The following RPS6KA2 variants were observed in gnomAD, a reference collection of about 807,000 sequenced individuals.
RPS6KA2 encodes the protein ribosomal protein S6 kinase alpha-2.
Under a neutral mutation model 91.8 loss-of-function variants are expected in RPS6KA2, and 42 were observed. That is an observed-to-expected ratio of 0.46 (90% CI 0.36 to 0.59). RPS6KA2 has a LOEUF of 0.59. Among genes scored for constraint, RPS6KA2 ranks in the 20% least tolerant of loss-of-function variants. The pLI is 0.00. For missense variants in RPS6KA2, 798 were observed against 978.5 expected, an observed-to-expected ratio of 0.82 and a Z score of 2.46; for synonymous variants, 414 against 393.6, an observed-to-expected ratio of 1.05 and a Z score of -0.61.
In RPS6KA2 at chr6:166,768,416, C is replaced by T. The variant is rs1050449193; in HGVS notation, c.123+89784G>A. Among the ~76,000 whole-genome samples the T allele has an allele frequency of 5.3e-5, 8 of 152,122 alleles. No homozygotes were observed. The East Asian group carries it at 5.8e-4, about 11-fold the overall frequency. On this transcript the variant is annotated intron_variant, in intron 2 of 21. Coordinates refer to the RPS6KA2 transcript ENST00000503859. ...GGCAAAATCCATGAAAGACGCTGAC[C>T]GCTGTGTTAGTGCCACCCACGCTTC...
chr6:166,569,098 A>T (rs1784597643), intron 1 of RPS6KA2, among the ~76,000 whole-genome samples: 1 of 152,254 alleles, frequency 6.6e-6, no homozygotes, highest in Non-Finnish European at 1.5e-5. Context: ...TAAGTAAAAA[A>T]ATGCAAGTTT....
chr6:166,504,906 G>A (rs1158916716), intron 5 of RPS6KA2, among the ~76,000 whole-genome samples: 1 of 152,134 alleles, frequency 6.6e-6, no homozygotes, highest in Non-Finnish European at 1.5e-5. Flanking sequence ...TCTCACCCCT[G>A]CAAATCATTT....
At position 166,564,390 on chromosome 6, in the gene RPS6KA2, T is replaced by C. The variant is rs529308625; in HGVS notation, c.100-25606A>G. On this transcript the variant is annotated intron_variant, in intron 1 of 20. Coordinates refer to ENST00000265678, the MANE Select transcript of RPS6KA2 (RefSeq NM_021135.6). ...TCTCCCCACCAGTCTCTGGGGCAGA[T>C]TCCCCCTCAGCCTAAACATTCTGCA... Among the ~76,000 whole-genome samples the C allele has an allele frequency of 1.8e-3, 276 of 152,304 alleles. 1 individual carries two copies. The highest frequency in any genetic ancestry group is 3.3e-3 in the Non-Finnish European group (224 of 68,022).
intron 2 of RPS6KA2, among the ~76,000 whole-genome samples, chr6:166,819,734 C>A (rs1359966951): frequency 6.6e-6 from 1 of 152,148 alleles, no homozygotes; most frequent in Non-Finnish European, 1.5e-5. Flanking sequence ...GCATAGATAT[C>A]CTGTAGTTTA....
rs1303031365 is a variant in RPS6KA2, at chr6:166,831,800, TGATA to T, written c.123+26396_123+26399del. ...GATAGATGATAGATACATAGATAGATGATAGATAGATAGATGATAGATAGTAGAC... is the reference window on the plus strand; with the variant it reads ...GATAGATGATAGATACATAGATAGATGATAGATAGATGATAGATAGTAGAC... On this transcript the variant is annotated intron_variant, in intron 2 of 21. Coordinates refer to the RPS6KA2 transcript ENST00000503859. 1.8e-4 allele frequency among the ~76,000 whole-genome samples: 26 copies of T among 147,520 alleles called. 1 individual carries two copies. The highest frequency in any genetic ancestry group is 4.2e-4 in the African/African-American group (17 of 40,382).
chr6:166,819,796 T>A (rs1779858246), intron 2 of RPS6KA2, among the ~76,000 whole-genome samples: 1 of 152,212 alleles, frequency 6.6e-6, no homozygotes, highest in Non-Finnish European at 1.5e-5. Context: ...TAACTGGCTG[T>A]ATGAATAATG....
intron 2 of RPS6KA2, among the ~76,000 whole-genome samples, chr6:166,712,796 C>T (rs1333457608): frequency 2.0e-5 from 3 of 152,218 alleles, no homozygotes; most frequent in South Asian, 2.1e-4. Context: ...GATGTTGCCA[C>T]GTGGTCAATG....
At chr6:166,744,454 G>A (rs899377099) in intron 2 of RPS6KA2, among the ~76,000 whole-genome samples, 3 of 152,190 alleles carry the variant, frequency 2.0e-5, no homozygotes, top group Non-Finnish European at 2.9e-5. Flanking sequence ...GCTGGGTCCC[G>A]GGGGCCTGCA....
intron 7 of RPS6KA2, 26 bp from the exon 8 acceptor site, chr6:166,498,676 T>C (rs1405812234): frequency 1.9e-6 from 3 of 1,612,380 alleles, no homozygotes; most frequent in Non-Finnish European, 8.5e-7. Context: ...GCACACACAC[T>C]GCCTCAGTCT....
At chr6:166,618,352 A>C (rs936120488) in intron 1 of RPS6KA2, among the ~76,000 whole-genome samples, 2 of 152,190 alleles carry the variant, frequency 1.3e-5, no homozygotes, top group African/African-American at 4.8e-5. Context: ...CCTGGGCCAG[A>C]GTCTCCCTAA....
chr6:166,735,737 G>A (rs1471110770), intron 2 of RPS6KA2, among the ~76,000 whole-genome samples: 2 of 152,166 alleles, frequency 1.3e-5, no homozygotes, highest in African/African-American at 4.8e-5. Flanking sequence ...GAGCTCAGGC[G>A]ATAATGCAAC....
intron 3 of RPS6KA2, among the ~76,000 whole-genome samples, chr6:166,511,236 G>A (rs1782470683): frequency 6.6e-6 from 1 of 152,136 alleles, no homozygotes; most frequent in Non-Finnish European, 1.5e-5. Flanking sequence ...GGCATAGAGT[G>A]ACCTGCGGGT....
Position 166,767,122 on chromosome 6 carries a change from C to G in RPS6KA2, c.123+91078G>C, listed in dbSNP as rs1383894151. On this transcript the variant is annotated intron_variant, in intron 2 of 21. Coordinates refer to the RPS6KA2 transcript ENST00000503859. This position sits in a 1 kb window ranked among gnomAD's most constrained non-coding sequence, Gnocchi z 4.6. The stretch of plus-strand genomic sequence containing the variant: ...AGGGCTCAGCTACCTGTGGGAAAAG[C>G]CAGCTCCACCATGGAATTTTTGTCT... 6.6e-6 allele frequency among the ~76,000 whole-genome samples: 1 copy of G among 152,190 alleles called. No individual in the cohort carries two copies. Among genetic ancestry groups the G allele is most frequent in the South Asian group, 2.1e-4 (1 of 4,834 alleles).
chr6:166,855,471 AGAG>A (rs374485454), intron 2 of RPS6KA2, among the ~76,000 whole-genome samples: 19,174 of 133,364 alleles, frequency 0.14, 2,980 homozygotes, highest in African/African-American at 0.37. Context: ...AGGAAGAGGA[AGAG>A]GAAGAAGAAG....
rs148519383 is a variant in RPS6KA2 at position 166,533,713 on chromosome 6, G to A, written c.217-2400C>T. Among the ~76,000 whole-genome samples the A allele has an allele frequency of 1.3e-3, 194 of 152,326 alleles. No individual in the cohort carries two copies. The highest frequency in any genetic ancestry group is 4.4e-3 in the African/African-American group (183 of 41,586). ...CTCCAGCCCATGGTGGACTTTGGTA[G>A]GGTGACAGATGAATCTATCCATTCC... On this transcript the variant is annotated intron_variant, in intron 2 of 20. Coordinates refer to ENST00000265678, the MANE Select transcript of RPS6KA2 (RefSeq NM_021135.6). This position sits in a 1 kb window ranked among gnomAD's most constrained non-coding sequence, Gnocchi z 4.0.
At chr6:166,773,874 AG>A (rs1778544222) in intron 2 of RPS6KA2, among the ~76,000 whole-genome samples, 3 of 152,252 alleles carry the variant, frequency 2.0e-5, no homozygotes. Context: ...ATCGTCCTCC[AG>A]GGGTATTCCG....
intron 1 of RPS6KA2, among the ~76,000 whole-genome samples, chr6:166,544,144 C>G (rs1234079525): frequency 6.6e-6 from 1 of 152,254 alleles, no homozygotes; most frequent in African/African-American, 2.4e-5. Context: ...CTCCCCAGCT[C>G]ACTCACACTT....
rs923271375 is a variant in RPS6KA2, at chr6:166,554,693, G to A, written c.100-15909C>T. Among the ~76,000 whole-genome samples the A allele has an allele frequency of 3.9e-5, 6 of 152,238 alleles. No individual in the cohort carries two copies. The highest frequency in any genetic ancestry group is 6.5e-5 in the Admixed American group (1 of 15,288). On this transcript the variant is annotated intron_variant, in intron 1 of 20. Coordinates refer to ENST00000265678, the MANE Select transcript of RPS6KA2 (RefSeq NM_021135.6). This position sits in a 1 kb window ranked among gnomAD's most constrained non-coding sequence, Gnocchi z 4.3. ...TGAAAGCAGGGGGCAAAACCAACCT[G>A]CTGTCTGAAAGGGTTTTGTTTTTTT...
chr6:166,469,825 G>A lies in RPS6KA2; in HGVS notation c.972+16C>T, dbSNP rs746136287. ...TGTCACGCGTGTGCAGGTGGGGACTGTGGCATGCAACTTACGTTCCAGTCT... is the reference window on the plus strand; with the variant it reads ...TGTCACGCGTGTGCAGGTGGGGACTATGGCATGCAACTTACGTTCCAGTCT... On this transcript the variant is annotated intron_variant, in intron 11 of 20. Coordinates refer to ENST00000265678, the MANE Select transcript of RPS6KA2 (RefSeq NM_021135.6). The A allele has an allele frequency of 2.2e-5, 35 of 1,611,728 alleles. No individual in the cohort carries two copies. The highest frequency in any genetic ancestry group is 3.0e-5 in the Non-Finnish European group (35 of 1,177,880).
Sources: gnomAD v4.1 joint callset for allele counts (sites outside exome capture counted in the v4.1 genomes callset) on GRCh38, gnomAD v4.1.1 for gene constraint, Gnocchi (gnomAD v3.1) non-coding constraint, MANE v1.5 for transcripts, NCBI Gene and HGNC (gene_info 2026-07-23, HGNC 2026-07-21) for gene names.